The following SH3RF3 variants were observed in gnomAD, a reference collection of about 807,000 sequenced individuals.
SH3RF3 encodes the protein SH3 domain containing ring finger 3.
Under a neutral mutation model 66.3 loss-of-function variants are expected in SH3RF3, and 29 were observed. That is an observed-to-expected ratio of 0.44 (90% CI 0.33 to 0.60). The LOEUF is 0.60. Among genes scored for constraint, SH3RF3 ranks in the 20% least tolerant of loss-of-function variants. SH3RF3 has a pLI of 0.04. For synonymous variants in SH3RF3, 583 were observed against 532.0 expected (o/e 1.10, Z -1.32); for missense variants, 1,194 against 1,190.9 (o/e 1.00, Z -0.04).
intron 1 of SH3RF3, among the ~76,000 whole-genome samples, chr2:109,131,865 C>A (rs1273072598): frequency 1.3e-5 from 2 of 152,148 alleles, no homozygotes; most frequent in Non-Finnish European, 2.9e-5. Context: ...GTTTAATAGA[C>A]GAGCACTTAT....
At chr2:109,299,509 C>A (rs1681405480) in intron 1 of SH3RF3, among the ~76,000 whole-genome samples, 1 of 152,026 alleles carries the variant, frequency 6.6e-6, no homozygotes. Flanking sequence ...TACCCCTAGG[C>A]CTTAGCCTTG....
At chr2:109,292,014 C>T (rs561789329) in intron 1 of SH3RF3, among the ~76,000 whole-genome samples, 1 of 152,286 alleles carries the variant, frequency 6.6e-6, no homozygotes, top group African/African-American at 2.4e-5. Flanking sequence ...CAGGCGCACG[C>T]CACCACGCCC....
intron 4 of SH3RF3, among the ~76,000 whole-genome samples, chr2:109,405,169 C>T (rs895950916): frequency 2.6e-4 from 40 of 152,156 alleles, no homozygotes; most frequent in African/African-American, 9.7e-4. Context: ...AGATTCTCTT[C>T]TCCAACTACC....
At chr2:109,147,456 G>A (rs1313291636) in intron 1 of SH3RF3, among the ~76,000 whole-genome samples, 2 of 152,204 alleles carry the variant, frequency 1.3e-5, no homozygotes, top group African/African-American at 2.4e-5. Flanking sequence ...ATATCTGTGC[G>A]TATTTATAAT....
At chr2:109,463,316 G>C (rs577604158) in intron 8 of SH3RF3, among the ~76,000 whole-genome samples, 1 of 152,180 alleles carries the variant, frequency 6.6e-6, no homozygotes, top group Non-Finnish European at 1.5e-5. Flanking sequence ...CTTGTCTCAC[G>C]GTATTACCAC....
intron 7 of SH3RF3, among the ~76,000 whole-genome samples, chr2:109,442,498 TTGAC>T (rs1677597528): frequency 2.0e-5 from 3 of 152,134 alleles, no homozygotes; most frequent in Admixed American, 2.0e-4. Context: ...TAAAATATAA[TTGAC>T]TGTTTAAACA....
intron 4 of SH3RF3, among the ~76,000 whole-genome samples, chr2:109,406,072 C>T (rs573706164): frequency 1.3e-5 from 2 of 152,328 alleles, no homozygotes; most frequent in East Asian, 3.9e-4. Context: ...GGGCGTGCAG[C>T]CGGCTGAGCC....
intron 9 of SH3RF3, among the ~76,000 whole-genome samples, chr2:109,491,985 T>A (rs181221584): frequency 4.2e-4 from 64 of 152,218 alleles, no homozygotes; most frequent in African/African-American, 1.5e-3. Flanking sequence ...TATCCTCACA[T>A]ATTCTTCTGT....
chr2:109,181,080 G>A (rs754918200), intron 1 of SH3RF3, among the ~76,000 whole-genome samples: 9 of 152,302 alleles, frequency 5.9e-5, no homozygotes, highest in Non-Finnish European at 1.2e-4. Context: ...CAGACCCTCC[G>A]TCAGCATGAG....
intron 1 of SH3RF3, among the ~76,000 whole-genome samples, chr2:109,209,272 C>G (rs993285452): frequency 1.3e-5 from 2 of 152,164 alleles, no homozygotes; most frequent in African/African-American, 4.8e-5. Context: ...TTCAGAGATT[C>G]CCTTGTGCCA....
intron 7 of SH3RF3, among the ~76,000 whole-genome samples, chr2:109,440,832 A>G (rs1421069696): frequency 6.6e-6 from 1 of 152,202 alleles, no homozygotes; most frequent in Non-Finnish European, 1.5e-5. Flanking sequence ...TCATCTGCAT[A>G]TGAACATGAG....
At chr2:109,250,069 A>G (rs1285799109) in intron 1 of SH3RF3, among the ~76,000 whole-genome samples, 1 of 149,610 alleles carries the variant, frequency 6.7e-6, no homozygotes, top group Non-Finnish European at 1.5e-5. Context: ...AGTGTTTTTG[A>G]GGGCAAAACA....
chr2:109,370,897 A>G (rs1683258819), intron 2 of SH3RF3, among the ~76,000 whole-genome samples: 1 of 152,240 alleles, frequency 6.6e-6, no homozygotes, highest in Non-Finnish European at 1.5e-5. Flanking sequence ...AAATAAATGT[A>G]GTTGGACTGA....
intron 9 of SH3RF3, among the ~76,000 whole-genome samples, chr2:109,493,243 G>A (rs1219088518): frequency 5.5e-5 from 8 of 144,532 alleles, no homozygotes; most frequent in East Asian, 4.2e-4. Context: ...ATATACACAC[G>A]CACCACACAC....
chr2:109,377,974 G>A (rs1479158120), intron 3 of SH3RF3, among the ~76,000 whole-genome samples: 6 of 152,260 alleles, frequency 3.9e-5, no homozygotes, highest in Non-Finnish European at 7.3e-5. Context: ...CACACTCCGC[G>A]TTCTGCACTA....
chr2:109,401,872 A>G (rs962614588), intron 4 of SH3RF3, among the ~76,000 whole-genome samples: 6 of 152,182 alleles, frequency 3.9e-5, no homozygotes, highest in African/African-American at 1.2e-4. Flanking sequence ...ATTAATTTGC[A>G]TACTACCTGG....
intron 1 of SH3RF3, among the ~76,000 whole-genome samples, chr2:109,270,251 A>G (rs1394378761): frequency 6.6e-6 from 1 of 152,176 alleles, no homozygotes; most frequent in Admixed American, 6.5e-5. Flanking sequence ...TTAGGCTGGA[A>G]CACCTGAAGC....
chr2:109,130,975 GT>G (rs1248497961), intron 1 of SH3RF3, among the ~76,000 whole-genome samples: 2 of 152,066 alleles, frequency 1.3e-5, no homozygotes, highest in Non-Finnish European at 2.9e-5. Context: ...CCCGGGTTTT[GT>G]TAATTTCTTT....
At position 109,130,130 on chromosome 2, in the gene SH3RF3, G is replaced by A; in HGVS notation, c.573+17G>A. 2 of 1,287,198 alleles carry A rather than the reference G, an allele frequency of 1.6e-6. No individual in the cohort carries two copies. Among genetic ancestry groups the A allele is most frequent in the Non-Finnish European group, 2.0e-6 (2 of 1,019,822 alleles). The allele number at this position is 1,287,198 out of a possible 1,614,324, so 79.7% of individuals were successfully genotyped here. ...GCGGCAAAGGTGAGTATCTGTCTCG[G>A]CGGAAGTGGCCACGGCACGTGGGAG... On this transcript the variant is annotated intron_variant, in intron 1 of 9. Coordinates refer to ENST00000309415, the MANE Select transcript of SH3RF3 (RefSeq NM_001099289.3).
Sources: allele counts gnomAD v4.1 joint callset (sites outside exome capture counted in the v4.1 genomes callset), GRCh38; gene constraint gnomAD v4.1.1; transcripts MANE v1.5; gene names NCBI Gene and HGNC (gene_info 2026-07-23, HGNC 2026-07-21).